Variants in ENAM observed in about 807,000 individuals in gnomAD.
ENAM encodes the protein enamelin.
In ENAM, 21 loss-of-function variants were observed where a neutral mutation model predicts 33.6. The ratio of observed to expected loss-of-function variants is 0.63; its 90% CI spans 0.44 to 0.90. The LOEUF (loss-of-function observed/expected upper bound fraction) is 0.90. ENAM is among the 40% of genes least tolerant of loss of function. The probability of loss-of-function intolerance (pLI) is 0.00; values close to 1 mark genes in which losing one functional copy is unlikely to be tolerated. For synonymous variants in ENAM, 473 were observed against 468.4 expected, an observed-to-expected ratio of 1.01 and a Z score of -0.13; for missense variants, 1,388 against 1,366.9, an observed-to-expected ratio of 1.02 and a Z score of -0.24.
chr4:70,635,474 T>G (rs1270698902), intron 6 of ENAM, among the ~76,000 whole-genome samples: 3 of 152,182 alleles, frequency 2.0e-5, no homozygotes, highest in Non-Finnish European at 4.4e-5. Context: ...GAAAAGACAC[T>G]CCTGGATTGG....
chr4:70,634,682 T>C, intron 6 of ENAM, 114 bp downstream of exon 6: 1 of 1,095,848 alleles, frequency 9.1e-7, no homozygotes, highest in Non-Finnish European at 1.4e-6. Context: ...AATACCAATG[T>C]TTGTTTTGAC....
Position 70,642,794 on chromosome 4 carries a change from C to T in ENAM, c.1368C>T (p.Ser456=), listed in dbSNP as rs1468325382. 3 of 1,613,926 alleles carry T rather than the reference C, an allele frequency of 1.9e-6. No individual in the cohort carries two copies. Among genetic ancestry groups the T allele is most frequent in the Non-Finnish European group, 2.5e-6 (3 of 1,179,948 alleles). The change falls in exon 9 of 9, where the codon AGC becomes AGT. Residue 456 remains serine, a synonymous_variant. Coordinates refer to ENST00000396073, the MANE Select transcript of ENAM (RefSeq NM_031889.3). ...TAGTTCCTACAAAGAATCCAACCAGCCCCTGGAGAAACTCTCAACAGTATG... is the reference window on the plus strand; with the variant it reads ...TAGTTCCTACAAAGAATCCAACCAGTCCCTGGAGAAACTCTCAACAGTATG... The part of the protein sequence containing the change: ...QIIVPTKNPT[S]PWRNSQQYEV...
rs1468325382 is a variant in ENAM at position 70,642,794 on chromosome 4, C to A, written c.1368C>A (p.Ser456Arg). The A allele has an allele frequency of 1.2e-6, 2 of 1,613,808 alleles. No homozygotes were observed. Among genetic ancestry groups the A allele is most frequent in the African/African-American group, 1.3e-5 (1 of 74,872 alleles). The part of the protein sequence containing the change: ...QIIVPTKNPT[S>R]PWRNSQQYEV... ...TAGTTCCTACAAAGAATCCAACCAG[C>A]CCCTGGAGAAACTCTCAACAGTATG... Residue 456 changes from serine to arginine, a missense_variant, in exon 9 of 9, where the codon AGC becomes AGA. Physicochemically the swap from Ser to Arg is moderately radical, Grantham distance 110 (BLOSUM62 -1). Transcript: ENST00000396073.
At position 70,643,503 on chromosome 4, in the gene ENAM, T is replaced by G; in HGVS notation, c.2077T>G (p.Ser693Ala). The G allele has an allele frequency of 6.2e-7, 1 of 1,614,072 alleles. No homozygotes were observed. The highest frequency in any genetic ancestry group is 8.5e-7 in the Non-Finnish European group (1 of 1,180,006). The change falls in exon 9 of 9, where the codon TCA (serine) becomes GCA (alanine). Residue 693 changes from serine to alanine, a missense_variant. Physicochemically the swap from Ser to Ala is moderately conservative, Grantham distance 99. Coordinates refer to ENST00000396073, the MANE Select transcript of ENAM (RefSeq NM_031889.3). ...VRHYEGEQYT[S>A]NQPKEYLPYS... ...GCACTATGAAGGTGAACAATATACC[T>G]CAAATCAGCCAAAGGAATATCTTCC...
At chr4:70,631,761 C>T in intron 3 of ENAM, 23 bp downstream of exon 3, 1 of 1,609,168 alleles carries the variant, frequency 6.2e-7, no homozygotes, top group Non-Finnish European at 8.5e-7. Context: ...TAAATGTTAG[C>T]TCTTCTCTTT....
intron 5 of ENAM, among the ~76,000 whole-genome samples, chr4:70,633,110 A>C (rs1738368501): frequency 6.6e-6 from 1 of 152,108 alleles, no homozygotes; most frequent in Non-Finnish European, 1.5e-5. Context: ...TGTTATTTAA[A>C]TAAATATAGG....
At position 70,629,514 on chromosome 4, in the gene ENAM, G is replaced by T. The variant is rs775804067; in HGVS notation, c.14G>T (p.Arg5Leu). MLVL[R>L]CRLGTSFPKL... ...TTGCTGAAAAAAATGTTGGTGCTTC[G>T]GTGCAGGCTTGGAACCTCTTTTCCT... The change falls in exon 2 of 9, where the codon CGG becomes CTG. Residue 5 changes from arginine to leucine, a missense_variant. By Grantham distance (102) the Arg-to-Leu change is moderately radical. Coordinates refer to ENST00000396073, the MANE Select transcript of ENAM (RefSeq NM_031889.3). The T allele has an allele frequency of 6.2e-7, 1 of 1,613,132 alleles. No individual in the cohort carries two copies. Among genetic ancestry groups the T allele is most frequent in the Non-Finnish European group, 8.5e-7 (1 of 1,179,418 alleles).
At chr4:70,641,061 T>G (rs1437937639) in intron 8 of ENAM, among the ~76,000 whole-genome samples, 1 of 152,222 alleles carries the variant, frequency 6.6e-6, no homozygotes, top group East Asian at 1.9e-4. Flanking sequence ...GTTTAGATTT[T>G]ATAGGACCTG....
chr4:70,635,227 A>G (rs962497972), intron 6 of ENAM, among the ~76,000 whole-genome samples: 1 of 152,142 alleles, frequency 6.6e-6, no homozygotes, highest in African/African-American at 2.4e-5. Context: ...AAATACAAAA[A>G]GTAGCTGGGC....
rs1577968372 is a variant in ENAM at position 70,632,581 on chromosome 4, C to T, written c.169-70C>T. 5 of 1,157,266 alleles carry T rather than the reference C, an allele frequency of 4.3e-6. 1 individual carries two copies. The East Asian group carries it at 9.4e-5, about 22-fold the overall frequency. The allele number at this position is 1,157,266 out of a possible 1,614,324, so 71.7% of individuals were successfully genotyped here. On this transcript the variant is annotated intron_variant, in intron 4 of 8. Coordinates refer to ENST00000396073, the MANE Select transcript of ENAM (RefSeq NM_031889.3). ...TTAAAAAAAGAAATTTTACTTATTT[C>T]TTACGATTTGTGCATTGATTTAATA...
Position 70,643,436 on chromosome 4 carries a change from A to G in ENAM, c.2010A>G (p.Arg670=), listed in dbSNP as rs750258768. The G allele has an allele frequency of 6.2e-7, 1 of 1,614,122 alleles. No homozygotes were observed. The highest frequency in any genetic ancestry group is 1.3e-5 in the African/African-American group (1 of 75,038). The change falls in exon 9 of 9, where the codon AGA becomes AGG. Residue 670 remains arginine (R), a synonymous_variant. Coordinates refer to ENST00000396073, the MANE Select transcript of ENAM (RefSeq NM_031889.3). ...ATGAAGTCTTTCCTGGACAAAATAGATGGGGTGAAGAGTTGAGCTTCAAAG... is the reference window on the plus strand; with the variant it reads ...ATGAAGTCTTTCCTGGACAAAATAGGTGGGGTGAAGAGTTGAGCTTCAAAG... ...TGDEVFPGQN[R]WGEELSFKGG...
At position 70,642,201 on chromosome 4, in the gene ENAM, A is replaced by G; in HGVS notation, c.775A>G (p.Lys259Glu). ...TETNSTQPNPKGSQGGNDTSP... is the reference protein window; with the variant it reads ...TETNSTQPNPEGSQGGNDTSP... ...GACGAATTCTACCCAACCAAATCCT[A>G]AAGGGAGTCAGGGAGGAAATGACAC... The change falls in exon 9 of 9, where the codon AAA becomes GAA. Residue 259 changes from lysine to glutamate, a missense_variant. Transcript: ENST00000396073. 1 of 1,614,124 alleles carries G rather than the reference A, an allele frequency of 6.2e-7. No homozygotes were observed. The highest frequency in any genetic ancestry group is 8.5e-7 in the Non-Finnish European group (1 of 1,179,988).
In ENAM at chr4:70,643,933, C is replaced by G. The variant is rs1738684833; in HGVS notation, c.2507C>G (p.Thr836Ser). ...GENLNYGMQITRMNSPEREHS... is the reference protein window; with the variant it reads ...GENLNYGMQISRMNSPEREHS... ...AATTTGAACTATGGCATGCAAATAA[C>G]TAGGATGAATTCTCCAGAGAGAGAA... Residue 836 changes from threonine (T) to serine (S), a missense_variant, in exon 9 of 9, where the codon ACT becomes AGT. By Grantham distance (58) the Thr-to-Ser change is moderately conservative (BLOSUM62 1). Transcript: ENST00000396073. 6.2e-7 allele frequency: 1 copy of G among 1,614,026 alleles called. No individual in the cohort carries two copies. The highest frequency in any genetic ancestry group is 8.5e-7 in the Non-Finnish European group (1 of 1,179,988).
chr4:70,635,985 AATACCAT>A, intron 7 of ENAM, 91 bp downstream of exon 7: 1 of 700,476 alleles, frequency 1.4e-6, no homozygotes, highest in Non-Finnish European at 2.5e-6. Context: ...ATTCTAATGG[AATACCAT>A]ATACCAATCA....
Position 70,643,915 on chromosome 4 carries a change from A to G in ENAM, c.2489A>G (p.Asn830Ser). 6.2e-7 allele frequency: 1 copy of G among 1,614,192 alleles called. No homozygotes were observed. ...NPIWHEGENL[N>S]YGMQITRMNS... is the part of the protein sequence containing the mutation. ...ATATGGCATGAAGGTGAGAATTTGA[A>G]CTATGGCATGCAAATAACTAGGATG... The change falls in exon 9 of 9, where the codon AAC becomes AGC. Residue 830 changes from asparagine to serine, a missense_variant. Coordinates refer to ENST00000396073, the MANE Select transcript of ENAM (RefSeq NM_031889.3).
chr4:70,640,253 G>A (rs1199240374), intron 8 of ENAM, among the ~76,000 whole-genome samples: 1 of 152,198 alleles, frequency 6.6e-6, no homozygotes, highest in Non-Finnish European at 1.5e-5. Context: ...CTGAAATTCA[G>A]TGGGATAATT....
rs543026090 is a variant in ENAM at position 70,643,354 on chromosome 4, C to G, written c.1928C>G (p.Pro643Arg). ...KESPLYPINT[P>R]DQKEIVPYNE... ...AGTCCACTCTACCCCATAAATACCC[C>G]AGACCAGAAGGAGATAGTCCCTTAT... The change falls in exon 9 of 9, where the codon CCA becomes CGA. Residue 643 changes from proline (P) to arginine (R), a missense_variant. Pro to Arg is a moderately radical substitution (Grantham distance 103). Coordinates refer to ENST00000396073, the MANE Select transcript of ENAM (RefSeq NM_031889.3). The G allele has an allele frequency of 6.2e-7, 1 of 1,613,932 alleles. No homozygotes were observed. The highest frequency in any genetic ancestry group is 8.5e-7 in the Non-Finnish European group (1 of 1,179,976).
Position 70,645,187 on chromosome 4 carries a change from CA to C in ENAM, c.*336del, listed in dbSNP as rs1738727151. 8.0e-6 allele frequency: 4 copies of C among 500,248 alleles called. No homozygotes were observed. Among genetic ancestry groups the C allele is most frequent in the Non-Finnish European group, 1.4e-5 (4 of 280,390 alleles). The allele number at this position is 500,248 out of a possible 1,614,324, so 31.0% of individuals were successfully genotyped here. A position where few individuals can be genotyped will look rare whatever the true frequency, so the allele number is the denominator to read the frequency against. On this transcript the variant is annotated 3_prime_UTR_variant, in exon 9 of 9. Transcript: ENST00000396073. ...TTTTGCTCTCAAAGTTCCATACTTG[CA>C]AAATTGGTTTTTCAAGACTGAAAGG... is the stretch of plus-strand genomic sequence containing the variant.
chr4:70,643,593 A>G lies in ENAM; in HGVS notation c.2167A>G (p.Ser723Gly). 1 of 1,614,118 alleles carries G rather than the reference A, an allele frequency of 6.2e-7. No homozygotes were observed. The highest frequency in any genetic ancestry group is 8.5e-7 in the Non-Finnish European group (1 of 1,180,024). ...TTATTACAGTGAATTTTACCCATGG[A>G]GCCCGGATGAGAATTTTCCATCATA... ...DFYYSEFYPW[S>G]PDENFPSYNT... The change falls in exon 9 of 9, where the codon AGC becomes GGC. Residue 723 changes from serine (S) to glycine (G), a missense_variant. Physicochemically the swap from Ser to Gly is moderately conservative, Grantham distance 56. Coordinates refer to ENST00000396073, the MANE Select transcript of ENAM (RefSeq NM_031889.3).
Sources: allele counts gnomAD v4.1 joint callset (sites outside exome capture counted in the v4.1 genomes callset), GRCh38; gene constraint gnomAD v4.1.1; transcripts MANE v1.5; gene names NCBI Gene and HGNC (gene_info 2026-07-23, HGNC 2026-07-21).